The following ANKS1B variants were observed in gnomAD, a reference collection of about 807,000 sequenced individuals.
ANKS1B encodes the protein ankyrin repeat and sterile alpha motif domain-containing protein 1B.
In ANKS1B, 36 loss-of-function variants were observed where a neutral mutation model predicts 148.3. The observed-to-expected ratio is 0.24, with a 90% CI of 0.19 to 0.32. ANKS1B has a LOEUF of 0.32. Ranked by LOEUF, ANKS1B falls within the 10% of genes least tolerant of loss-of-function variation. ANKS1B has a pLI of 1.00. For missense variants in ANKS1B, 1,157 were observed against 1,542.6 expected (o/e 0.75, Z 4.19); for synonymous variants, 542 against 560.8 (o/e 0.97, Z 0.47).
At chr12:99,462,723 T>A (rs1481042507) in intron 10 of ANKS1B, among the ~76,000 whole-genome samples, 1 of 152,218 alleles carries the variant, frequency 6.6e-6, no homozygotes, top group Non-Finnish European at 1.5e-5. Context: ...TGAAATGTGT[T>A]CCCCACTGTT....
chr12:99,423,904 G>C (rs371418275), intron 11 of ANKS1B, among the ~76,000 whole-genome samples: 21 of 152,124 alleles, frequency 1.4e-4, no homozygotes, highest in South Asian at 6.2e-4. Context: ...CTTAACCTGG[G>C]TGATGAAATA....
At position 99,874,847 on chromosome 12, in the gene ANKS1B, G is replaced by A. The variant is rs1404505849; in HGVS notation, c.135-49458C>T. 1.3e-5 allele frequency among the ~76,000 whole-genome samples: 2 copies of A among 152,122 alleles called. 1 individual carries two copies. Among genetic ancestry groups the A allele is most frequent in the South Asian group, 4.1e-4 (2 of 4,834 alleles). On this transcript the variant is annotated intron_variant, in intron 1 of 26. Transcript: ENST00000683438. Reference sequence around the variant, plus strand: ...AGATAAAACTTACATCACAAGACTGGTGTGATGTTCAAAATACACATAAAG... The same window carrying A: ...AGATAAAACTTACATCACAAGACTGATGTGATGTTCAAAATACACATAAAG...
chr12:98,929,538 C>T (rs778087443), intron 17 of ANKS1B, among the ~76,000 whole-genome samples: 36 of 152,134 alleles, frequency 2.4e-4, no homozygotes, highest in Non-Finnish European at 3.8e-4. Context: ...TGATACAAAG[C>T]TACAGTTATC....
intron 10 of ANKS1B, among the ~76,000 whole-genome samples, chr12:99,465,792 G>C (rs1271047644): frequency 6.6e-6 from 1 of 152,070 alleles, no homozygotes; most frequent in Non-Finnish European, 1.5e-5. Flanking sequence ...GATTCATAAA[G>C]CAAGTCCTAA....
At chr12:99,811,237 C>T (rs2068317147) in intron 3 of ANKS1B, among the ~76,000 whole-genome samples, 1 of 151,764 alleles carries the variant, frequency 6.6e-6, no homozygotes, top group South Asian at 2.1e-4. Context: ...TTTCAAAGTC[C>T]GGCAAAGTCT....
intron 1 of ANKS1B, among the ~76,000 whole-genome samples, chr12:99,952,819 A>C (rs1423953247): frequency 1.3e-5 from 2 of 152,226 alleles, no homozygotes; most frequent in Non-Finnish European, 2.9e-5. Flanking sequence ...TTCATCTTCC[A>C]AAATTTTGTT....
At chr12:99,475,933 A>G (rs1029684231) in intron 10 of ANKS1B, among the ~76,000 whole-genome samples, 1 of 152,152 alleles carries the variant, frequency 6.6e-6, no homozygotes, top group Non-Finnish European at 1.5e-5. Flanking sequence ...GTAACACAGT[A>G]TTAAAAAATC....
At chr12:99,101,000 AAGAG>A (rs949402866) in intron 15 of ANKS1B, among the ~76,000 whole-genome samples, 1 of 152,234 alleles carries the variant, frequency 6.6e-6, no homozygotes, top group Non-Finnish European at 1.5e-5. Context: ...TGCTTGAAGC[AAGAG>A]AGAGAAGGCA....
chr12:99,356,460 TGA>T (rs933867227), intron 12 of ANKS1B, among the ~76,000 whole-genome samples: 32 of 152,270 alleles, frequency 2.1e-4, no homozygotes, highest in African/African-American at 7.5e-4. Context: ...AGGAGCCTGC[TGA>T]GAGAGCATGC....
intron 11 of ANKS1B, among the ~76,000 whole-genome samples, chr12:99,429,888 C>T (rs1305014810): frequency 7.2e-5 from 11 of 151,962 alleles, no homozygotes; most frequent in South Asian, 4.2e-4. Context: ...GACGTGAACC[C>T]GGGAGGCGAA....
intron 8 of ANKS1B, among the ~76,000 whole-genome samples, chr12:99,758,882 G>T (rs1161617137): frequency 6.6e-6 from 1 of 151,902 alleles, no homozygotes; most frequent in African/African-American, 2.4e-5. Flanking sequence ...GTAAAACTAG[G>T]ATTAGAGATT....
intron 9 of ANKS1B, among the ~76,000 whole-genome samples, chr12:99,602,381 A>C (rs1217808182): frequency 2.6e-5 from 4 of 152,142 alleles, no homozygotes; most frequent in African/African-American, 7.2e-5. Flanking sequence ...TTAGTCCTCC[A>C]TATGGTGTGA....
At chr12:99,825,127 G>A (rs547792680) in intron 2 of ANKS1B, among the ~76,000 whole-genome samples, 182 bp downstream of exon 2, 3 of 152,268 alleles carry the variant, frequency 2.0e-5, no homozygotes, top group Non-Finnish European at 2.9e-5. Flanking sequence ...CACTCTGCAC[G>A]CAATTATACT....
intron 1 of ANKS1B, among the ~76,000 whole-genome samples, chr12:99,860,424 G>C (rs1002886145): frequency 1.3e-5 from 2 of 152,224 alleles, no homozygotes; most frequent in African/African-American, 4.8e-5. Flanking sequence ...GGAAGGTGGA[G>C]TTTGATGGGA....
chr12:99,805,679 T>A (rs898328435), intron 4 of ANKS1B, among the ~76,000 whole-genome samples: 6 of 152,072 alleles, frequency 3.9e-5, no homozygotes, highest in Admixed American at 2.0e-4. Flanking sequence ...TTAAACTTTT[T>A]AAAGTAGGTT....
chr12:99,892,614 G>A (rs1488737), intron 1 of ANKS1B, among the ~76,000 whole-genome samples: 33,927 of 152,090 alleles, frequency 0.22, 3,883 homozygotes, highest in Non-Finnish European at 0.24. Flanking sequence ...CATCTCTGGA[G>A]ATAAGTTTGA....
chr12:98,880,504 T>C (rs1047246917), intron 17 of ANKS1B, among the ~76,000 whole-genome samples: 2 of 152,112 alleles, frequency 1.3e-5, no homozygotes, highest in East Asian at 1.9e-4. Flanking sequence ...CGGTGGCTCA[T>C]GCCTGTAATC....
intron 14 of ANKS1B, among the ~76,000 whole-genome samples, chr12:99,193,649 G>A (rs570081019): frequency 6.6e-6 from 1 of 152,114 alleles, no homozygotes; most frequent in South Asian, 2.1e-4. Flanking sequence ...GTGAGGAAAA[G>A]ATACTTCTTT....
intron 1 of ANKS1B, 23 bp downstream of exon 1, chr12:99,984,081 C>T: frequency 6.2e-7 from 1 of 1,601,898 alleles, no homozygotes; most frequent in South Asian, 1.1e-5. Context: ...TGTGCCAACC[C>T]CGGAGCTGGT....
Sources: allele counts gnomAD v4.1 joint callset (sites outside exome capture counted in the v4.1 genomes callset), GRCh38; gene constraint gnomAD v4.1.1; transcripts MANE v1.5; gene names NCBI Gene and HGNC (gene_info 2026-07-23, HGNC 2026-07-21).